The following YIF1B variants were observed in gnomAD, a reference collection of about 807,000 sequenced individuals.
The protein encoded by YIF1B is Yip1 interacting factor homolog B, membrane trafficking protein.
In YIF1B, 24 loss-of-function variants were observed where a neutral mutation model predicts 34.6. The observed-to-expected ratio is 0.69, with a 90% confidence interval of 0.50 to 0.98. YIF1B has a LOEUF of 0.98. Among genes scored for constraint, YIF1B ranks in the 50% least tolerant of loss-of-function variants. The pLI, the probability that YIF1B is intolerant of heterozygous loss-of-function variation, is 0.00. For missense variants in YIF1B, 368 were observed against 429.4 expected (o/e 0.86, Z 1.26); for synonymous variants, 186 against 184.8 (o/e 1.01, Z -0.05).
At chr19:38,316,353 A>T (rs1568362211), upstream of YIF1B, among the ~76,000 whole-genome samples, 1 of 147,342 alleles carries the variant, frequency 6.8e-6, no homozygotes, top group African/African-American at 2.5e-5. Context: ...CATCCCTACA[A>T]TTTTTTTTTT....
Position 38,304,192 on chromosome 19 carries a change from C to T in YIF1B, c.*1160G>A, listed in dbSNP as rs541403080. The T allele has an allele frequency of 1.9e-6, 3 of 1,591,912 alleles. No homozygotes were observed. The highest frequency in any genetic ancestry group is 3.4e-5 in the Admixed American group (2 of 59,136). ...CCTCCAACGGGCAGGTCTCAGCGCTCCTCCCCCTGCTCCGCTCCTCTGCAG... is the reference window on the plus strand; with the variant it reads ...CCTCCAACGGGCAGGTCTCAGCGCTTCTCCCCCTGCTCCGCTCCTCTGCAG... On this transcript the variant is annotated 3_prime_UTR_variant, in exon 8 of 8. Coordinates refer to ENST00000339413, the MANE Select transcript of YIF1B (RefSeq NM_001039672.3).
chr19:38,308,692 G>A, intron 5 of YIF1B, 100 bp downstream of exon 5: 2 of 1,473,814 alleles, frequency 1.4e-6, no homozygotes, highest in Non-Finnish European at 9.5e-7. Context: ...AAGTGGGGCT[G>A]TCCTGAAAGG....
chr19:38,306,207 A>T (rs1436581758), intron 7 of YIF1B, among the ~76,000 whole-genome samples: 1 of 114,904 alleles, frequency 8.7e-6, no homozygotes, highest in Non-Finnish European at 1.8e-5. Flanking sequence ...TGTCTCACAA[A>T]AAAAAAAAAA....
chr19:38,304,138 A>G lies in YIF1B; in HGVS notation c.*1214T>C, dbSNP rs1968877206. 17 of 1,208,508 alleles carry G rather than the reference A, an allele frequency of 1.4e-5. No individual in the cohort carries two copies. The highest frequency in any genetic ancestry group is 2.0e-5 in the Non-Finnish European group (17 of 846,508). 74.9% of individuals were successfully genotyped at this position (1,208,508 alleles called of 1,614,324 possible). A position where few individuals can be genotyped will look rare whatever the true frequency, so the allele number is the denominator to read the frequency against. On this transcript the variant is annotated 3_prime_UTR_variant, in exon 8 of 8. Coordinates refer to ENST00000339413, the MANE Select transcript of YIF1B (RefSeq NM_001039672.3). ...CAATGAGTCAGGGCTGAGGACCAGG[A>G]CAGAGGTTGGGTGGGGCGTCTCAGC... is the stretch of plus-strand genomic sequence containing the variant.
In YIF1B at chr19:38,304,920, A is replaced by AAGGGCAAGAAGG. The variant is rs776725232; in HGVS notation, c.*420_*431dup. The AAGGGCAAGAAGG allele has an allele frequency of 2.5e-6, 4 of 1,611,176 alleles. No individual in the cohort carries two copies. Among genetic ancestry groups the AAGGGCAAGAAGG allele is most frequent in the African/African-American group, 1.3e-5 (1 of 74,656 alleles). ...GAAGCCCAAAGTGAAGAAGAAGGAG[A>AAGGGCAAGAAGG]AGGGCAAGAAGGAGAAGGGCAAGAA... On this transcript the variant is annotated 3_prime_UTR_variant, in exon 8 of 8. Transcript: ENST00000339413.
upstream of YIF1B, among the ~76,000 whole-genome samples, chr19:38,321,614 T>C (rs1436331879): frequency 6.6e-6 from 1 of 152,248 alleles, no homozygotes; most frequent in East Asian, 1.9e-4. Flanking sequence ...TGTTTCTTTG[T>C]TGGGGATTTG....
chr19:38,304,906 T>A lies in YIF1B; in HGVS notation c.*446A>T. 6.4e-7 allele frequency: 1 copy of A among 1,551,528 alleles called. No homozygotes were observed. Among genetic ancestry groups the A allele is most frequent in the Non-Finnish European group, 8.8e-7 (1 of 1,137,374 alleles). ...CCGGGCAAGGCCAAGAAGCCCAAAG[T>A]GAAGAAGAAGGAGAAGGGCAAGAAG... is the stretch of plus-strand genomic sequence containing the variant. On this transcript the variant is annotated 3_prime_UTR_variant, in exon 8 of 8. Transcript: ENST00000339413.
upstream of YIF1B, among the ~76,000 whole-genome samples, chr19:38,318,006 A>C (rs1008723290): frequency 1.3e-5 from 2 of 149,016 alleles, no homozygotes; most frequent in African/African-American, 2.4e-5. Flanking sequence ...CATCCTTGCC[A>C]ACATGGCGAA....
At chr19:38,306,519 A>C (rs1347064006) in intron 7 of YIF1B, among the ~76,000 whole-genome samples, 1 of 151,904 alleles carries the variant, frequency 6.6e-6, no homozygotes, top group Non-Finnish European at 1.5e-5. Flanking sequence ...CTAAACTTTT[A>C]AATGATGAGA....
At chr19:38,315,395 A>C in intron 1 of YIF1B, 1 of 1,196,886 alleles carries the variant, frequency 8.4e-7, no homozygotes, top group Non-Finnish European at 1.0e-6. Flanking sequence ...GTTAGGTTGA[A>C]TGAATAAATG....
At position 38,304,402 on chromosome 19, in the gene YIF1B, G is replaced by C; in HGVS notation, c.*950C>G. 1 of 1,571,676 alleles carries C rather than the reference G, an allele frequency of 6.4e-7. No individual in the cohort carries two copies. The highest frequency in any genetic ancestry group is 8.6e-7 in the Non-Finnish European group (1 of 1,159,138). On this transcript the variant is annotated 3_prime_UTR_variant, in exon 8 of 8. Coordinates refer to ENST00000339413, the MANE Select transcript of YIF1B (RefSeq NM_001039672.3). ...CTGGAGCCCACCTCCCAGAAGCCCG[G>C]TGTGGGGGCGGGCCACGGGGGAGAT...
In YIF1B at chr19:38,304,277, G is replaced by A; in HGVS notation, c.*1075C>T. 3.1e-6 allele frequency: 5 copies of A among 1,613,772 alleles called. No individual in the cohort carries two copies. The highest frequency in any genetic ancestry group is 1.1e-5 in the South Asian group (1 of 91,082). Reference sequence around the variant, plus strand: ...TCTTACCGCCATGGAGTTCGACCTGGGAGCAGGTGAGCTCCTGGGGAGTGT... The same window carrying A: ...TCTTACCGCCATGGAGTTCGACCTGAGAGCAGGTGAGCTCCTGGGGAGTGT... On this transcript the variant is annotated 3_prime_UTR_variant, in exon 8 of 8. Transcript: ENST00000339413.
At chr19:38,314,616 CTTT>C (rs911022609) in intron 1 of YIF1B, among the ~76,000 whole-genome samples, 3 of 82,320 alleles carry the variant, frequency 3.6e-5, no homozygotes, top group African/African-American at 5.1e-5. Flanking sequence ...GGATCACCCT[CTTT>C]TTTTTTTTTT....
chr19:38,314,657 T>C (rs929334535), intron 1 of YIF1B, among the ~76,000 whole-genome samples: 4 of 135,088 alleles, frequency 3.0e-5, no homozygotes, highest in African/African-American at 1.1e-4. Context: ...GAAGTCTTGC[T>C]CTGTCGCCCA....
At chr19:38,309,350 C>A (rs1365319910) in intron 2 of YIF1B, 22 bp from the exon 3 acceptor site, 2 of 1,613,488 alleles carry the variant, frequency 1.2e-6, no homozygotes, top group African/African-American at 2.7e-5. Context: ...GAGCTCAAGT[C>A]TGAAGCCCTG....
Position 38,305,219 on chromosome 19 carries a change from GGCGGGACATGGGATGGAGGCGGT to G in YIF1B, c.*110_*132del, listed in dbSNP as rs1968951212. The G allele has an allele frequency of 2.8e-6, 4 of 1,437,468 alleles. No homozygotes were observed. In the Admixed American group the frequency reaches 1.0e-4, roughly 36 times the overall value. 89.0% of individuals were successfully genotyped at this position (1,437,468 alleles called of 1,614,324 possible). On this transcript the variant is annotated 3_prime_UTR_variant, in exon 8 of 8. Transcript: ENST00000339413. Reference sequence around the variant, plus strand: ...GCACCTTGGGTTGGGGGCGGGGCTGGGCGGGACATGGGATGGAGGCGGTGCCTGTGGCCAGACAGGGTGGACCT... The same window carrying G: ...GCACCTTGGGTTGGGGGCGGGGCTGGGCCTGTGGCCAGACAGGGTGGACCT...
upstream of YIF1B, among the ~76,000 whole-genome samples, chr19:38,319,576 T>G (rs1005870622): frequency 6.6e-6 from 1 of 152,148 alleles, no homozygotes; most frequent in Non-Finnish European, 1.5e-5. Flanking sequence ...GGGGGGCGAC[T>G]CCTCGGCCTG....
chr19:38,318,803 C>T (rs1473795833), upstream of YIF1B, among the ~76,000 whole-genome samples: 3 of 152,210 alleles, frequency 2.0e-5, no homozygotes, highest in Non-Finnish European at 4.4e-5. Flanking sequence ...GGTTAGGACT[C>T]TGGGCTGCCC....
rs1362204928 is a variant in YIF1B at position 38,309,946 on chromosome 19, A to G, written c.59-303T>C. The G allele has an allele frequency of 9.9e-6, 8 of 806,346 alleles. 1 individual carries two copies. Among genetic ancestry groups the G allele is most frequent in the African/African-American group, 7.7e-5 (4 of 51,904 alleles). The allele number at this position is 806,346 out of a possible 1,614,324, so 49.9% of individuals were successfully genotyped here. A position where few individuals can be genotyped will look rare whatever the true frequency, so the allele number is the denominator to read the frequency against. ...CACTCACCCACCCATCCATCCATCT[A>G]TCCATCTAACCATCCATCCATCCAT... On this transcript the variant is annotated intron_variant, in intron 1 of 7. Coordinates refer to ENST00000339413, the MANE Select transcript of YIF1B (RefSeq NM_001039672.3).
Sources: allele counts gnomAD v4.1 joint callset (sites outside exome capture counted in the v4.1 genomes callset), GRCh38; gene constraint gnomAD v4.1.1; transcripts MANE v1.5; gene names NCBI Gene and HGNC (gene_info 2026-07-23, HGNC 2026-07-21).